The following KALRN variants were observed in gnomAD, a reference collection of about 807,000 sequenced individuals.
KALRN encodes the protein kalirin RhoGEF kinase.
A neutral mutation model predicts 353.7 loss-of-function variants in KALRN; 70 were observed. The ratio of observed to expected loss-of-function variants is 0.20; its 90% CI spans 0.16 to 0.24. The LOEUF is 0.24. Among genes scored for constraint, KALRN ranks in the 10% least tolerant of loss-of-function variants. The pLI, the probability that KALRN is intolerant of heterozygous loss-of-function variation, is 1.00. For missense variants in KALRN, 2,791 were observed against 3,756.7 expected (o/e 0.74, Z 6.72); for synonymous variants, 1,391 against 1,434.8 (o/e 0.97, Z 0.69).
intron 5 of KALRN, among the ~76,000 whole-genome samples, chr3:124,285,810 A>G (rs1279206169): frequency 1.3e-5 from 2 of 152,222 alleles, no homozygotes; most frequent in African/African-American, 4.8e-5. Flanking sequence ...TGCTGGGATT[A>G]CAGGCGTGAG....
chr3:124,226,388 TC>T (rs763944517), intron 1 of KALRN, among the ~76,000 whole-genome samples: 15 of 152,228 alleles, frequency 9.9e-5, no homozygotes, highest in Non-Finnish European at 2.1e-4. Flanking sequence ...ATTCGAGTAT[TC>T]TTTTTTATGG....
rs116305925 is a variant in KALRN, at chr3:124,340,378, C to T, written c.1647+5883C>T. On this transcript the variant is annotated intron_variant, in intron 9 of 59. Coordinates refer to ENST00000682506, the MANE Select transcript of KALRN (RefSeq NM_001388419.1). ...CTCTACTAAAACACAATAAAACTAG[C>T]TGGGTATTGTGGTGTGTGCCTGTGG... is the stretch of plus-strand genomic sequence containing the variant. Among the ~76,000 whole-genome samples the T allele has an allele frequency of 4.2e-3, 646 of 152,060 alleles. 3 individuals are homozygous for T. Among genetic ancestry groups the T allele is most frequent in the African/African-American group, 0.015 (622 of 41,462 alleles).
At chr3:124,478,026 G>T (rs1323702119) in intron 27 of KALRN, among the ~76,000 whole-genome samples, 2 of 152,138 alleles carry the variant, frequency 1.3e-5, no homozygotes. Flanking sequence ...CTTTGGTTTG[G>T]AATTATGACA....
At chr3:124,631,576 A>C (rs2080788374) in intron 34 of KALRN, among the ~76,000 whole-genome samples, 1 of 152,144 alleles carries the variant, frequency 6.6e-6, no homozygotes, top group African/African-American at 2.4e-5. Context: ...ACATCTCCAG[A>C]ATCTGATCAC....
intron 1 of KALRN, among the ~76,000 whole-genome samples, chr3:124,222,483 G>A (rs1478747135): frequency 6.6e-6 from 1 of 152,194 alleles, no homozygotes; most frequent in Admixed American, 6.5e-5. Context: ...TTTAGGCCAG[G>A]CTACAGCATG....
chr3:124,282,599 A>G (rs186433221), intron 5 of KALRN, among the ~76,000 whole-genome samples: 2 of 152,098 alleles, frequency 1.3e-5, no homozygotes, highest in Non-Finnish European at 2.9e-5. Context: ...CTGGTCTTGA[A>G]CTACCAACCT....
chr3:124,220,981 C>A (rs1314813290), intron 1 of KALRN, among the ~76,000 whole-genome samples: 1 of 152,228 alleles, frequency 6.6e-6, no homozygotes, highest in Non-Finnish European at 1.5e-5. Context: ...CAGCCAGATT[C>A]CACCCAGCTC....
At chr3:124,275,644 C>T (rs113713646) in intron 5 of KALRN, among the ~76,000 whole-genome samples, 11 of 152,356 alleles carry the variant, frequency 7.2e-5, no homozygotes, top group African/African-American at 2.2e-4. Context: ...CTTCTCCCTG[C>T]ACTATTTCAG....
At chr3:124,346,806 A>G (rs570334446) in intron 9 of KALRN, among the ~76,000 whole-genome samples, 147 of 152,294 alleles carry the variant, frequency 9.7e-4, no homozygotes, top group Admixed American at 2.1e-3. Context: ...CAATATCTTT[A>G]TGTGATTGGG....
intron 1 of KALRN, among the ~76,000 whole-genome samples, chr3:124,209,880 T>C (rs1243653042): frequency 6.6e-6 from 1 of 152,212 alleles, no homozygotes; most frequent in Non-Finnish European, 1.5e-5. Flanking sequence ...TTCCCTTTAG[T>C]TCAAAGTATT....
At chr3:124,470,500 A>G (rs968856836) in intron 25 of KALRN, among the ~76,000 whole-genome samples, 2 of 150,934 alleles carry the variant, frequency 1.3e-5, no homozygotes, top group Non-Finnish European at 2.9e-5. Flanking sequence ...AAACTTATCA[A>G]TTGGTATGCC....
intron 6 of KALRN, 109 bp downstream of exon 6, chr3:124,299,022 C>A: frequency 1.4e-6 from 2 of 1,419,928 alleles, no homozygotes; most frequent in East Asian, 2.3e-5. Flanking sequence ...TGTGAACATG[C>A]TGACCCTTTG....
At chr3:124,569,051 C>G (rs1298848020) in intron 34 of KALRN, among the ~76,000 whole-genome samples, 3 of 152,200 alleles carry the variant, frequency 2.0e-5, no homozygotes, top group Admixed American at 6.5e-5. Flanking sequence ...TCTTCTGTAC[C>G]TGGCTGTACA....
In KALRN at chr3:124,227,687, T is replaced by G. The variant is rs899050176; in HGVS notation, c.74-303T>G. On this transcript the variant is annotated intron_variant, in intron 1 of 59. Coordinates refer to ENST00000682506, the MANE Select transcript of KALRN (RefSeq NM_001388419.1). The stretch of plus-strand genomic sequence containing the variant: ...TGTTTTTTTTTTTTTTTTTTTTTTT[T>G]TTTTTTTTTTTTTTTTTTGCCCCCA... Among the ~76,000 whole-genome samples, 95 of 104,960 alleles carry G rather than the reference T, an allele frequency of 9.1e-4. 4 individuals carry two copies. The highest frequency in any genetic ancestry group is 4.4e-3 in the Middle Eastern group (1 of 226). 68.9% of individuals were successfully genotyped at this position (104,960 alleles called of 152,430 possible).
chr3:124,348,957 G>A (rs2082564170), intron 10 of KALRN, among the ~76,000 whole-genome samples: 1 of 152,084 alleles, frequency 6.6e-6, no homozygotes, highest in Non-Finnish European at 1.5e-5. Flanking sequence ...GACCTCAAGT[G>A]ATCCACCCAC....
chr3:124,465,724 G>A (rs77036432), intron 25 of KALRN, among the ~76,000 whole-genome samples: 22,964 of 152,104 alleles, frequency 0.15, 1,991 homozygotes, highest in Non-Finnish European at 0.19. Context: ...TTCCAAAGTT[G>A]CAATTAAGCA....
intron 1 of KALRN, chr3:124,152,874 C>T (rs2068371353): frequency 5.0e-6 from 1 of 201,842 alleles, no homozygotes; most frequent in Non-Finnish European, 9.9e-6. Flanking sequence ...CTCGGCCTCT[C>T]AAAGTGCTGG....
chr3:124,057,613 T>G (rs1175259978), intron 1 of KALRN, among the ~76,000 whole-genome samples: 1 of 152,076 alleles, frequency 6.6e-6, no homozygotes, highest in Non-Finnish European at 1.5e-5. Context: ...CCTGCACTTG[T>G]GCGCGTGCCA....
At chr3:124,338,435 G>A (rs1204364047) in intron 9 of KALRN, among the ~76,000 whole-genome samples, 2 of 152,242 alleles carry the variant, frequency 1.3e-5, no homozygotes, top group Admixed American at 6.5e-5. Flanking sequence ...TTCCCATGTA[G>A]TTGTGTGGTT....
Sources: gnomAD v4.1 joint callset for allele counts (sites outside exome capture counted in the v4.1 genomes callset) on GRCh38, gnomAD v4.1.1 for gene constraint, MANE v1.5 for transcripts, NCBI Gene and HGNC (gene_info 2026-07-23, HGNC 2026-07-21) for gene names.